The following FCHSD2 variants were observed in gnomAD, a reference collection of about 807,000 sequenced individuals.
FCHSD2 encodes F-BAR and double SH3 domains protein 2.
FCHSD2 carries 38 observed loss-of-function variants against 108.1 expected under a neutral mutation model. The observed-to-expected ratio is 0.35, with a 90% confidence interval of 0.27 to 0.46. FCHSD2 has a LOEUF of 0.46. Among genes scored for constraint, FCHSD2 ranks in the 20% least tolerant of loss-of-function variants. The pLI, the probability that FCHSD2 is intolerant of heterozygous loss-of-function variation, is 1.00. For missense variants in FCHSD2, 751 were observed against 897.8 expected (o/e 0.84, Z 2.09); for synonymous variants, 279 against 314.7 (o/e 0.89, Z 1.20).
At chr11:73,081,083 T>C (rs1224720212) in intron 3 of FCHSD2, among the ~76,000 whole-genome samples, 1 of 152,240 alleles carries the variant, frequency 6.6e-6, no homozygotes, top group Non-Finnish European at 1.5e-5. Context: ...TCACTTTTCA[T>C]AAAATTTAAT....
Position 72,842,703 on chromosome 11 carries a change from C to A in FCHSD2, c.1844G>T (p.Arg615Leu), listed in dbSNP as rs147782509. The A allele has an allele frequency of 1.2e-6, 2 of 1,614,018 alleles. No homozygotes were observed. The highest frequency in any genetic ancestry group is 1.7e-6 in the Non-Finnish European group (2 of 1,179,910). ...TAGCACCGATGGGAAAACTCCAATA[C>A]GCCCATTGAATTCCCCTTCCCAGAA... ...DGFWEGEFNG[R>L]IGVFPSVLVE... Residue 615 changes from arginine (R) to leucine (L), a missense_variant, in exon 17 of 20, where the codon CGT (arginine) becomes CTT (leucine). By Grantham distance (102) the Arg-to-Leu change is moderately radical (BLOSUM62 -2). Transcript: ENST00000409418.
At chr11:73,079,061 T>A (rs1327074298) in intron 3 of FCHSD2, among the ~76,000 whole-genome samples, 1 of 152,134 alleles carries the variant, frequency 6.6e-6, no homozygotes, top group Non-Finnish European at 1.5e-5. Flanking sequence ...ATAGTTTACA[T>A]GAGTGTGTTC....
At chr11:72,885,681 C>G (rs1376611981) in intron 12 of FCHSD2, among the ~76,000 whole-genome samples, 1 of 152,108 alleles carries the variant, frequency 6.6e-6, no homozygotes, top group Non-Finnish European at 1.5e-5. Context: ...TCCACCAAGG[C>G]TCTGAAAAAC....
chr11:73,096,920 T>G (rs1429895213), intron 2 of FCHSD2, among the ~76,000 whole-genome samples: 1 of 149,542 alleles, frequency 6.7e-6, no homozygotes, highest in Non-Finnish European at 1.5e-5. Flanking sequence ...ATGCTTTTTC[T>G]GCCTCTACTG....
chr11:72,840,606 A>G (rs950253900), intron 19 of FCHSD2, among the ~76,000 whole-genome samples: 19 of 152,238 alleles, frequency 1.2e-4, no homozygotes, highest in African/African-American at 3.4e-4. Context: ...TAATGCTCAT[A>G]AAGTTTGTTC....
At chr11:72,858,789 C>T (rs985962379) in intron 13 of FCHSD2, among the ~76,000 whole-genome samples, 1 of 152,062 alleles carries the variant, frequency 6.6e-6, no homozygotes, top group Non-Finnish European at 1.5e-5. Context: ...AAAGATGATG[C>T]TAAAAATATC....
intron 8 of FCHSD2, among the ~76,000 whole-genome samples, chr11:72,949,669 T>C (rs1856586867): frequency 6.6e-6 from 1 of 152,192 alleles, no homozygotes; most frequent in African/African-American, 2.4e-5. Context: ...AACACAATGT[T>C]TTCAAGGTCT....
chr11:72,993,312 G>A (rs1857454788), intron 5 of FCHSD2, among the ~76,000 whole-genome samples: 1 of 152,202 alleles, frequency 6.6e-6, no homozygotes, highest in African/African-American at 2.4e-5. Flanking sequence ...CTGTTGGTGG[G>A]AATGTAAACT....
At chr11:73,004,674 C>A (rs181090307) in intron 4 of FCHSD2, among the ~76,000 whole-genome samples, 8 of 152,306 alleles carry the variant, frequency 5.3e-5, no homozygotes, top group African/African-American at 1.7e-4. Context: ...TTGGTTAAAT[C>A]TAAAACTGTT....
chr11:72,873,399 G>A (rs889175996), intron 12 of FCHSD2, among the ~76,000 whole-genome samples: 2 of 151,418 alleles, frequency 1.3e-5, no homozygotes, highest in Non-Finnish European at 2.9e-5. Context: ...TTGGAGAAAT[G>A]TCTATTCAGA....
chr11:72,958,054 T>C (rs1300983553), intron 8 of FCHSD2, among the ~76,000 whole-genome samples: 1 of 152,218 alleles, frequency 6.6e-6, no homozygotes, highest in African/African-American at 2.4e-5. Context: ...GACTCTTACC[T>C]CACCATTTAA....
intron 3 of FCHSD2, among the ~76,000 whole-genome samples, chr11:73,025,839 G>A (rs1291944778): frequency 1.3e-5 from 2 of 151,998 alleles, no homozygotes; most frequent in Non-Finnish European, 2.9e-5. Flanking sequence ...GCTGTATGAT[G>A]TACCAACTCA....
intron 8 of FCHSD2, among the ~76,000 whole-genome samples, chr11:72,952,027 C>A (rs890394007): frequency 3.3e-5 from 5 of 152,046 alleles, no homozygotes; most frequent in African/African-American, 9.7e-5. Flanking sequence ...TTATTTTTGG[C>A]AAGAATCAAA....
chr11:72,973,775 A>C (rs1296803889), intron 8 of FCHSD2, among the ~76,000 whole-genome samples: 1 of 152,260 alleles, frequency 6.6e-6, no homozygotes, highest in Non-Finnish European at 1.5e-5. Flanking sequence ...AAGGGTGGGC[A>C]AACTAAGGCC....
chr11:73,121,375 C>T (rs922541049), intron 2 of FCHSD2, among the ~76,000 whole-genome samples: 1 of 151,720 alleles, frequency 6.6e-6, no homozygotes, highest in East Asian at 1.9e-4. Flanking sequence ...ATGAAGGACA[C>T]TTAAAAAGGA....
At chr11:72,941,290 GAATT>G (rs1162437037) in intron 8 of FCHSD2, among the ~76,000 whole-genome samples, 9 of 152,012 alleles carry the variant, frequency 5.9e-5, no homozygotes, top group Non-Finnish European at 1.0e-4. Flanking sequence ...GTTAAATTAT[GAATT>G]AATGAATGGC....
chr11:73,005,821 G>GATGATCTC, intron 4 of FCHSD2, among the ~76,000 whole-genome samples: 1 of 150,938 alleles, frequency 6.6e-6, no homozygotes, highest in East Asian at 2.0e-4. Context: ...TCACTCTTTA[G>GATGATCTC]ATGATCTCAT....
chr11:73,096,607 T>C (rs1191195458), intron 2 of FCHSD2, among the ~76,000 whole-genome samples: 1 of 151,984 alleles, frequency 6.6e-6, no homozygotes, highest in Non-Finnish European at 1.5e-5. Context: ...CAGATAGAAT[T>C]ATAGAATGTC....
intron 3 of FCHSD2, among the ~76,000 whole-genome samples, chr11:73,058,858 C>A (rs1451376383): frequency 6.6e-6 from 1 of 151,956 alleles, no homozygotes; most frequent in Non-Finnish European, 1.5e-5. Context: ...GTGAGCCATC[C>A]CACCTAGACT....
Sources: allele counts gnomAD v4.1 joint callset (sites outside exome capture counted in the v4.1 genomes callset), GRCh38; gene constraint gnomAD v4.1.1; transcripts MANE v1.5; gene names NCBI Gene and HGNC (gene_info 2026-07-23, HGNC 2026-07-21).